Variants in KLHL13 observed in about 807,000 individuals in gnomAD.
The protein encoded by KLHL13 is kelch like family member 13.
A neutral mutation model predicts 37.1 loss-of-function variants in KLHL13; 10 were observed. The ratio of observed to expected loss-of-function variants is 0.27; its 90% CI spans 0.17 to 0.46. The LOEUF (loss-of-function observed/expected upper bound fraction) is 0.46. KLHL13 is among the 20% of genes least tolerant of loss of function. The pLI is 1.00. For missense variants in KLHL13, 360 were observed against 509.3 expected (o/e 0.71, Z 2.82); for synonymous variants, 163 against 181.2 (o/e 0.90, Z 0.81).
rs180838720 is a variant in KLHL13 at position 117,912,164 on chromosome X, A to G, written c.571-2068T>C. Among the ~76,000 whole-genome samples the G allele has an allele frequency of 3.6e-5, 4 of 112,004 alleles. No homozygotes were observed. In the East Asian group the frequency reaches 1.1e-3, roughly 31 times the overall value. On this transcript the variant is annotated intron_variant, in intron 4 of 6. Transcript: ENST00000262820. ...GGTCATGAATTCACTTCCCAAGACA[A>G]GTAAGAATTATCTCGTCCCCAGAGT...
intron 1 of KLHL13, among the ~76,000 whole-genome samples, chrX:117,993,316 A>G (rs1240235023): frequency 2.7e-5 from 3 of 111,937 alleles, no homozygotes; most frequent in Admixed American, 1.9e-4. Context: ...TTTAGGAGAC[A>G]AAATTGACAG....
At chrX:118,071,205 C>T (rs2054859947) in intron 1 of KLHL13, among the ~76,000 whole-genome samples, 1 of 111,288 alleles carries the variant, frequency 9.0e-6, no homozygotes, top group Non-Finnish European at 1.9e-5. Context: ...TGAATAATGC[C>T]GCAATAAACA....
At chrX:118,017,941 G>A (rs1017874491) in intron 1 of KLHL13, among the ~76,000 whole-genome samples, 3 of 111,363 alleles carry the variant, frequency 2.7e-5, no homozygotes, top group Non-Finnish European at 5.7e-5. Context: ...CTCCAGGAAT[G>A]CAATCAGAAA....
At chrX:118,089,608 GAGAGAAAGAAAGAGAA>G (rs1569313800) in intron 1 of KLHL13, among the ~76,000 whole-genome samples, 1 of 59,629 alleles carries the variant, frequency 1.7e-5, no homozygotes, top group African/African-American at 7.4e-5. Context: ...GAGAGAGAGA[GAGAGAAAGAAAGAGAA>G]AGAAAGAAAG....
chrX:118,002,588 T>A (rs1193761259), intron 1 of KLHL13, among the ~76,000 whole-genome samples: 1 of 99,945 alleles, frequency 1.0e-5, no homozygotes, highest in Non-Finnish European at 2.0e-5. Flanking sequence ...AGTGAAACTC[T>A]GTCTCGAAAA....
At chrX:118,004,376 G>A (rs2053958388) in intron 1 of KLHL13, among the ~76,000 whole-genome samples, 1 of 111,857 alleles carries the variant, frequency 8.9e-6, no homozygotes, top group Non-Finnish European at 1.9e-5. Context: ...AACAGATTTT[G>A]GTTCGAGATA....
intron 1 of KLHL13, among the ~76,000 whole-genome samples, chrX:118,003,998 T>C (rs2053953909): frequency 9.0e-6 from 1 of 111,257 alleles, no homozygotes; most frequent in African/African-American, 3.3e-5. Flanking sequence ...AGGGTATTCA[T>C]GCAGGGAGGT....
At chrX:118,054,490 T>C (rs1259606287) in intron 1 of KLHL13, among the ~76,000 whole-genome samples, 1 of 111,779 alleles carries the variant, frequency 8.9e-6, no homozygotes, top group Non-Finnish European at 1.9e-5. Context: ...AGCTGAAGAA[T>C]TCTGGTTTTT....
intron 1 of KLHL13, among the ~76,000 whole-genome samples, chrX:118,012,754 AT>A (rs752796158): frequency 9.2e-5 from 10 of 108,198 alleles, no homozygotes; most frequent in African/African-American, 3.1e-4. Flanking sequence ...TAAAGTTACC[AT>A]TTTTTTTTCC....
At chrX:117,924,327 T>A (rs1294376376) in intron 2 of KLHL13, among the ~76,000 whole-genome samples, 1 of 112,263 alleles carries the variant, frequency 8.9e-6, no homozygotes, top group Non-Finnish European at 1.9e-5. Flanking sequence ...TAGTGAAGTA[T>A]GCATACATTA....
At chrX:117,926,382 G>C (rs1161453704) in intron 2 of KLHL13, among the ~76,000 whole-genome samples, 1 of 111,196 alleles carries the variant, frequency 9.0e-6, no homozygotes, top group East Asian at 2.8e-4. Flanking sequence ...AGCACACAGA[G>C]AGGATTCCAG....
chrX:117,962,041 A>AAATAATAATAAT (rs778789872), intron 1 of KLHL13, among the ~76,000 whole-genome samples: 19 of 102,326 alleles, frequency 1.9e-4, no homozygotes, highest in African/African-American at 4.6e-4. Context: ...TCATCTCTAC[A>AAATAATAATAAT]AATAATAATA....
intron 1 of KLHL13, among the ~76,000 whole-genome samples, chrX:118,022,750 T>C (rs2054233130): frequency 8.9e-6 from 1 of 112,412 alleles, no homozygotes. Context: ...TCATCACATA[T>C]ATGGTTTGCA....
At chrX:117,963,251 G>C (rs1014580781) in intron 1 of KLHL13, among the ~76,000 whole-genome samples, 4 of 111,195 alleles carry the variant, frequency 3.6e-5, no homozygotes, top group African/African-American at 1.3e-4. Context: ...ATCATAGTAA[G>C]TTATGCTGGG....
At chrX:118,088,870 G>A (rs2055083999) in intron 1 of KLHL13, among the ~76,000 whole-genome samples, 1 of 111,409 alleles carries the variant, frequency 9.0e-6, no homozygotes. Flanking sequence ...AGATGGGCTA[G>A]GGACCTCAGG....
chrX:118,010,572 A>G (rs1212426436), intron 1 of KLHL13, among the ~76,000 whole-genome samples: 59 of 69,116 alleles, frequency 8.5e-4, no homozygotes, highest in African/African-American at 1.9e-3. Flanking sequence ...GGGGAATATC[A>G]CACTCTGGGG....
intron 1 of KLHL13, among the ~76,000 whole-genome samples, chrX:117,991,564 C>A (rs1168950911): frequency 9.0e-6 from 1 of 111,021 alleles, no homozygotes; most frequent in Admixed American, 9.6e-5. Flanking sequence ...CTTTCAAGGT[C>A]CCCTCAACCC....
intron 1 of KLHL13, among the ~76,000 whole-genome samples, chrX:118,001,259 C>A (rs2053917691): frequency 9.0e-6 from 1 of 111,638 alleles, no homozygotes; most frequent in African/African-American, 3.3e-5. Flanking sequence ...CCTTTGGAAA[C>A]TTTTCGTAGT....
intron 5 of KLHL13, among the ~76,000 whole-genome samples, chrX:117,903,045 G>A (rs1233313957): frequency 9.2e-6 from 1 of 108,907 alleles, no homozygotes. Context: ...CTGGAATTAG[G>A]TTTAGCTACT....
Sources: allele counts gnomAD v4.1 joint callset (sites outside exome capture counted in the v4.1 genomes callset), GRCh38; gene constraint gnomAD v4.1.1; transcripts MANE v1.5; gene names NCBI Gene and HGNC (gene_info 2026-07-23, HGNC 2026-07-21).